The following ARHGAP10 variants were observed in gnomAD, a reference collection of about 807,000 sequenced individuals.
ARHGAP10 encodes the protein Rho GTPase activating protein 10.
ARHGAP10 carries 87 observed loss-of-function variants against 108.6 expected under a neutral mutation model. The ratio of observed to expected loss-of-function variants is 0.80; its 90% confidence interval spans 0.67 to 0.96. ARHGAP10 has a LOEUF of 0.96. Ranked by LOEUF, ARHGAP10 falls within the 40% of genes least tolerant of loss-of-function variation. ARHGAP10 has a pLI of 0.00. For synonymous variants in ARHGAP10, 347 were observed against 341.1 expected (o/e 1.02, Z -0.19); for missense variants, 939 against 954.5 (o/e 0.98, Z 0.21).
intron 19 of ARHGAP10, among the ~76,000 whole-genome samples, chr4:148,026,570 A>C (rs961887153): frequency 6.6e-6 from 1 of 152,248 alleles, no homozygotes; most frequent in Non-Finnish European, 1.5e-5. Flanking sequence ...ATTTATTTGC[A>C]AAAGACTGTA....
intron 4 of ARHGAP10, among the ~76,000 whole-genome samples, chr4:147,854,549 A>G (rs1293879165): frequency 2.6e-5 from 4 of 152,122 alleles, no homozygotes; most frequent in Non-Finnish European, 4.4e-5. Flanking sequence ...TCCTTGTTGG[A>G]ACTTTTTGGA....
intron 1 of ARHGAP10, among the ~76,000 whole-genome samples, chr4:147,747,736 G>GCT (rs1560736926): frequency 6.6e-6 from 1 of 152,074 alleles, no homozygotes; most frequent in East Asian, 1.9e-4. Context: ...TACTATGGAT[G>GCT]CTCATTTATT....
intron 8 of ARHGAP10, among the ~76,000 whole-genome samples, chr4:147,877,961 C>T (rs1287400770): frequency 6.6e-6 from 1 of 151,846 alleles, no homozygotes; most frequent in Non-Finnish European, 1.5e-5. Context: ...TATTTTTTGA[C>T]AGTGTTGCTC....
intron 18 of ARHGAP10, among the ~76,000 whole-genome samples, chr4:147,993,312 C>T (rs1482354913): frequency 6.6e-6 from 1 of 152,110 alleles, no homozygotes; most frequent in Non-Finnish European, 1.5e-5. Flanking sequence ...TATAGATGAA[C>T]TAAGATTGGT....
At chr4:147,915,160 A>T (rs1736923076) in intron 13 of ARHGAP10, among the ~76,000 whole-genome samples, 1 of 151,980 alleles carries the variant, frequency 6.6e-6, no homozygotes, top group African/African-American at 2.4e-5. Flanking sequence ...TCGGCGGAGT[A>T]GGAGCTGTTG....
chr4:147,915,922 A>G (rs1289240494), intron 13 of ARHGAP10, among the ~76,000 whole-genome samples: 7 of 152,152 alleles, frequency 4.6e-5, no homozygotes, highest in African/African-American at 1.4e-4. Flanking sequence ...TGGGCAACAT[A>G]GCATGACCCT....
intron 22 of ARHGAP10, among the ~76,000 whole-genome samples, chr4:148,068,674 G>A (rs369673977): frequency 7.9e-5 from 12 of 152,328 alleles, no homozygotes; most frequent in African/African-American, 2.4e-4. Context: ...CAACATTCAA[G>A]CTACTGGTTG....
At chr4:147,947,983 C>T (rs1193701048) in intron 15 of ARHGAP10, among the ~76,000 whole-genome samples, 28 of 149,384 alleles carry the variant, frequency 1.9e-4, no homozygotes, top group Admixed American at 1.3e-3. Context: ...GCTGTTGGCC[C>T]GGGCTGGAGT....
At chr4:147,954,335 G>T (rs1738713163) in intron 15 of ARHGAP10, among the ~76,000 whole-genome samples, 1 of 151,908 alleles carries the variant, frequency 6.6e-6, no homozygotes, top group Non-Finnish European at 1.5e-5. Flanking sequence ...ATTTCTCCTT[G>T]TAGTTCTGTC....
At chr4:147,892,170 T>C (rs941066482) in intron 10 of ARHGAP10, among the ~76,000 whole-genome samples, 1 of 151,586 alleles carries the variant, frequency 6.6e-6, no homozygotes, top group Admixed American at 6.6e-5. Context: ...CTTATTTATA[T>C]TTTTATGTTG....
At chr4:147,761,017 C>CT (rs11301771) in intron 1 of ARHGAP10, among the ~76,000 whole-genome samples, 6,226 of 141,326 alleles carry the variant, frequency 0.044, 395 homozygotes, top group African/African-American at 0.14. Context: ...TTAGAGTTAA[C>CT]TTTTTTTTTT....
chr4:147,971,027 AGGTTG>A (rs1739385525), intron 18 of ARHGAP10, among the ~76,000 whole-genome samples: 4 of 134,528 alleles, frequency 3.0e-5, no homozygotes, highest in African/African-American at 5.6e-5. Flanking sequence ...CAGGAGGTGG[AGGTTG>A]CAGTGAGCTG....
chr4:148,021,007 G>A (rs1450151640), intron 18 of ARHGAP10, among the ~76,000 whole-genome samples: 2 of 152,032 alleles, frequency 1.3e-5, no homozygotes, highest in Non-Finnish European at 2.9e-5. Flanking sequence ...TCTTAGTCTT[G>A]GCTACACAAA....
At chr4:147,913,942 T>C (rs1417903124) in intron 13 of ARHGAP10, among the ~76,000 whole-genome samples, 1 of 152,038 alleles carries the variant, frequency 6.6e-6, no homozygotes, top group East Asian at 1.9e-4. Context: ...CACCTGAGGC[T>C]GGGAGTTCGA....
chr4:147,742,665 TA>T (rs767426161), intron 1 of ARHGAP10, among the ~76,000 whole-genome samples: 1 of 151,648 alleles, frequency 6.6e-6, no homozygotes, highest in Non-Finnish European at 1.5e-5. Flanking sequence ...TTTGTATTTT[TA>T]GTAGAGATGG....
chr4:147,893,927 T>C (rs1019277350), intron 10 of ARHGAP10, among the ~76,000 whole-genome samples: 1 of 152,204 alleles, frequency 6.6e-6, no homozygotes, highest in Non-Finnish European at 1.5e-5. Flanking sequence ...TTGATGGTGA[T>C]GTATTGAAAG....
At chr4:147,912,376 C>T (rs1381128296) in intron 12 of ARHGAP10, among the ~76,000 whole-genome samples, 1 of 151,116 alleles carries the variant, frequency 6.6e-6, no homozygotes, top group Non-Finnish European at 1.5e-5. Context: ...CCCATCTCTA[C>T]TAAAAATAGA....
chr4:147,922,646 C>T (rs1438865644), intron 13 of ARHGAP10, among the ~76,000 whole-genome samples: 1 of 145,492 alleles, frequency 6.9e-6, no homozygotes, highest in Non-Finnish European at 1.5e-5. Flanking sequence ...CGAGATCCCG[C>T]CACTGCACTC....
At chr4:147,811,603 C>T (rs199850686) in intron 1 of ARHGAP10, among the ~76,000 whole-genome samples, 3 of 146,518 alleles carry the variant, frequency 2.0e-5, no homozygotes, top group Non-Finnish European at 3.0e-5. Context: ...AAAAAAAAAA[C>T]AAAAAACAAA....
Sources: gnomAD v4.1 joint callset for allele counts (sites outside exome capture counted in the v4.1 genomes callset) on GRCh38, gnomAD v4.1.1 for gene constraint, MANE v1.5 for transcripts, NCBI Gene and HGNC (gene_info 2026-07-23, HGNC 2026-07-21) for gene names.